Variants in DENND5A observed in about 807,000 individuals in gnomAD.
DENND5A encodes DENN domain containing 5A, also known as DENN domain-containing protein 5A.
Under a neutral mutation model 140.3 loss-of-function variants are expected in DENND5A, and 64 were observed. The ratio of observed to expected loss-of-function variants is 0.46; its 90% CI spans 0.37 to 0.56. The LOEUF (loss-of-function observed/expected upper bound fraction) is 0.56, where lower values mean the gene tolerates loss of function less well. Among genes scored for constraint, DENND5A ranks in the 20% least tolerant of loss-of-function variants. The pLI is 0.00. For synonymous variants in DENND5A, 605 were observed against 607.7 expected, an observed-to-expected ratio of 1.00 and a Z score of 0.07; for missense variants, 1,292 against 1,593.8, an observed-to-expected ratio of 0.81 and a Z score of 3.22.
At chr11:9,189,549 T>TGC (rs1849037441) in intron 5 of DENND5A, among the ~76,000 whole-genome samples, 1 of 151,308 alleles carries the variant, frequency 6.6e-6, no homozygotes, top group African/African-American at 2.4e-5. Flanking sequence ...GGCTGTACCC[T>TGC]GCAAAGCCAC....
At chr11:9,217,126 A>G (rs1031919093) in intron 1 of DENND5A, among the ~76,000 whole-genome samples, 1 of 152,230 alleles carries the variant, frequency 6.6e-6, no homozygotes, top group Non-Finnish European at 1.5e-5. Flanking sequence ...ATTCAGCCAT[A>G]AAAAAGAATG....
intron 12 of DENND5A, among the ~76,000 whole-genome samples, chr11:9,158,218 C>T (rs1297538329): frequency 6.6e-6 from 1 of 152,116 alleles, no homozygotes; most frequent in Non-Finnish European, 1.5e-5. Context: ...ATTATCGAAT[C>T]CACACAAGGA....
intron 12 of DENND5A, among the ~76,000 whole-genome samples, chr11:9,153,398 T>C (rs932774835): frequency 9.0e-5 from 13 of 143,756 alleles, no homozygotes; most frequent in Non-Finnish European, 1.8e-4. Flanking sequence ...ATCCTCTAAA[T>C]GGTCTGCTGG....
intron 1 of DENND5A, among the ~76,000 whole-genome samples, chr11:9,217,965 A>G (rs1850160836): frequency 6.6e-6 from 1 of 152,222 alleles, no homozygotes; most frequent in African/African-American, 2.4e-5. Context: ...TTAAAAGAAT[A>G]TTCAGAAAAT....
In DENND5A at chr11:9,188,182, G is replaced by C. The variant is rs529773040; in HGVS notation, c.1137+5312C>G. On this transcript the variant is annotated intron_variant, in intron 5 of 22. Coordinates refer to ENST00000328194, the MANE Select transcript of DENND5A (RefSeq NM_015213.4). ...TTGTGACAGTGAATAAGTCTCAAGAGATCTGATGGTTTTATAAGGGGGAGT... is the reference window on the plus strand; with the variant it reads ...TTGTGACAGTGAATAAGTCTCAAGACATCTGATGGTTTTATAAGGGGGAGT... Among the ~76,000 whole-genome samples, 7 of 152,276 alleles carry C rather than the reference G, an allele frequency of 4.6e-5. No homozygotes were observed. In the South Asian group the frequency reaches 1.2e-3, roughly 27 times the overall value.
At chr11:9,234,355 G>T (rs1850909280) in intron 1 of DENND5A, among the ~76,000 whole-genome samples, 2 of 151,562 alleles carry the variant, frequency 1.3e-5, no homozygotes, top group African/African-American at 4.9e-5. Context: ...ATTATAACCA[G>T]TATACAGACA....
intron 1 of DENND5A, among the ~76,000 whole-genome samples, chr11:9,257,778 A>C (rs369090440): frequency 1.4e-5 from 2 of 146,566 alleles, no homozygotes; most frequent in Non-Finnish European, 3.0e-5. Context: ...CACCGCGCCC[A>C]GCCAACACAC....
chr11:9,203,421 T>C (rs1849586182), intron 4 of DENND5A: 1 of 439,556 alleles, frequency 2.3e-6, no homozygotes, highest in South Asian at 2.6e-5. Flanking sequence ...AGAAGGGACA[T>C]AGGAAGCAAT....
At chr11:9,215,853 C>G (rs1341235224) in intron 1 of DENND5A, among the ~76,000 whole-genome samples, 1 of 152,062 alleles carries the variant, frequency 6.6e-6, no homozygotes, top group African/African-American at 2.4e-5. Context: ...CCTGGCCGTT[C>G]TTTTATATAA....
chr11:9,265,062 C>T lies in DENND5A; in HGVS notation c.8G>A (p.Gly3Asp). The T allele has an allele frequency of 1.9e-6, 3 of 1,540,618 alleles. No individual in the cohort carries two copies. The highest frequency in any genetic ancestry group is 2.6e-6 in the Non-Finnish European group (3 of 1,146,024). ...CGCCGAGCCCCCTCCGCCGCCGCCG[C>T]CACTCATGGCGCCGGGGCCGAGACC... MS[G>D]GGGGGGSAPS... The change falls in exon 1 of 23, where the codon GGC becomes GAC. Residue 3 changes from glycine (G) to aspartate (D), a missense_variant. Physicochemically the swap from Gly to Asp is moderately conservative, Grantham distance 94. Around this residue, in one of 4 missense-constraint regions of DENND5A, gnomAD observed 566 missense variants for 650.4 expected, o/e 0.87. Coordinates refer to ENST00000328194, the MANE Select transcript of DENND5A (RefSeq NM_015213.4). This position sits in a 1 kb window ranked among gnomAD's most constrained non-coding sequence, Gnocchi z 4.7.
intron 1 of DENND5A, among the ~76,000 whole-genome samples, chr11:9,262,933 G>A (rs865947873): frequency 1.3e-4 from 19 of 151,786 alleles, no homozygotes; most frequent in African/African-American, 4.6e-4. Context: ...AGTAGAGACG[G>A]GGTTTCACCC....
At position 9,206,721 on chromosome 11, in the gene DENND5A, A is replaced by G; in HGVS notation, c.243T>C (p.Tyr81=). 1.2e-6 allele frequency: 2 copies of G among 1,613,946 alleles called. No homozygotes were observed. The highest frequency in any genetic ancestry group is 2.2e-5 in the East Asian group (1 of 44,856). Reference sequence around the variant, plus strand: ...AGGGATTCCATTCTACGTTCTCAGGATATCGTGCAAGGACCTTAGATTTGA... The same window carrying G: ...AGGGATTCCATTCTACGTTCTCAGGGTATCGTGCAAGGACCTTAGATTTGA... ...RTFKSKVLAR[Y]PENVEWNPFD... Residue 81 remains tyrosine, a synonymous_variant, in exon 3 of 23, where the codon TAT becomes TAC. Transcript: ENST00000328194.
chr11:9,242,746 T>G (rs969340749), intron 1 of DENND5A: 2 of 152,098 alleles, frequency 1.3e-5, no homozygotes, highest in African/African-American at 4.8e-5. Context: ...TTTGGCCCCC[T>G]ATGACCCACA....
intron 11 of DENND5A, among the ~76,000 whole-genome samples, 196 bp downstream of exon 11, chr11:9,165,640 T>TC (rs1848164376): frequency 6.6e-6 from 1 of 152,128 alleles, no homozygotes; most frequent in East Asian, 1.9e-4. Context: ...CACTACGTTC[T>TC]CCAAGTTGGT....
In DENND5A at chr11:9,143,428, T is replaced by G; in HGVS notation, c.3362A>C (p.Lys1121Thr). ...SIGEAVNGIV[K>T]HFHKPEKERG... ...CTCTTTCTCAGGCTTATGGAAGTGC[T>G]TCACAATGCCATTGACTGCCTCCCC... Residue 1121 changes from lysine to threonine, a missense_variant, in exon 20 of 23, where the codon AAG (lysine) becomes ACG (threonine). Coordinates refer to ENST00000328194, the MANE Select transcript of DENND5A (RefSeq NM_015213.4). 6.2e-7 allele frequency: 1 copy of G among 1,614,224 alleles called. No homozygotes were observed. The highest frequency in any genetic ancestry group is 8.5e-7 in the Non-Finnish European group (1 of 1,180,022).
chr11:9,173,871 G>A (rs961458210), intron 8 of DENND5A, among the ~76,000 whole-genome samples: 3 of 152,054 alleles, frequency 2.0e-5, no homozygotes, highest in African/African-American at 7.2e-5. Context: ...TTGGGAGGCC[G>A]AGGCGGGCGG....
chr11:9,257,896 G>A (rs1008475384), intron 1 of DENND5A, among the ~76,000 whole-genome samples: 41 of 150,754 alleles, frequency 2.7e-4, no homozygotes, highest in African/African-American at 9.5e-4. Context: ...AGATTCAAGC[G>A]ATTCTCTCGC....
intron 1 of DENND5A, among the ~76,000 whole-genome samples, chr11:9,255,660 T>C (rs1375687268): frequency 1.3e-5 from 2 of 152,082 alleles, no homozygotes; most frequent in South Asian, 2.1e-4. Flanking sequence ...AGTCAGGAGT[T>C]CGAGACCAGC....
chr11:9,166,223 C>G (rs1452203561), intron 10 of DENND5A, among the ~76,000 whole-genome samples: 1 of 151,906 alleles, frequency 6.6e-6, no homozygotes, highest in Admixed American at 6.6e-5. Flanking sequence ...GGACTACAGG[C>G]ATGTGCCACC....
Sources: allele counts gnomAD v4.1 joint callset (sites outside exome capture counted in the v4.1 genomes callset), GRCh38; gene constraint gnomAD v4.1.1; regional missense constraint gnomAD v4.1.1; non-coding constraint Gnocchi (gnomAD v3.1); transcripts MANE v1.5; gene names NCBI Gene and HGNC (gene_info 2026-07-23, HGNC 2026-07-21).